XKR4: variants seen among roughly 807,000 people sequenced by gnomAD.
XKR4 encodes XK-related protein 4.
In XKR4, 12 loss-of-function variants were observed where a neutral mutation model predicts 53.9. That is an observed-to-expected ratio of 0.22 (90% CI 0.14 to 0.36). The LOEUF is 0.36. XKR4 is among the 10% of genes least tolerant of loss of function. The pLI is 1.00. For missense variants in XKR4, 799 were observed against 859.5 expected (o/e 0.93, Z 0.88); for synonymous variants, 354 against 362.4 (o/e 0.98, Z 0.26).
chr8:55,109,014 G>A (rs1215503165), intron 1 of XKR4, among the ~76,000 whole-genome samples: 1 of 152,164 alleles, frequency 6.6e-6, no homozygotes, highest in African/African-American at 2.4e-5. Context: ...TCCATAGTAA[G>A]TGCTGAACTG....
intron 1 of XKR4, among the ~76,000 whole-genome samples, chr8:55,195,089 A>G (rs904612539): frequency 6.6e-6 from 1 of 152,238 alleles, no homozygotes; most frequent in South Asian, 2.1e-4. Context: ...AAAAATAAAA[A>G]GGGAGGGAAG....
intron 1 of XKR4, among the ~76,000 whole-genome samples, chr8:55,192,215 T>TGTC: frequency 7.0e-6 from 1 of 143,590 alleles, no homozygotes. Flanking sequence ...AGGGACTTAA[T>TGTC]ACAATTCTTA....
rs182519982 is a variant in XKR4, at chr8:55,482,355, A to G, written c.1007-40926A>G. On this transcript the variant is annotated intron_variant, in intron 2 of 2. Transcript: ENST00000327381. Reference sequence around the variant, plus strand: ...GGTGGGAATTAAACAATGAGAACACATGGACACAGGAAGGGGAACATCACA... The same window carrying G: ...GGTGGGAATTAAACAATGAGAACACGTGGACACAGGAAGGGGAACATCACA... Among the ~76,000 whole-genome samples, 1,509 of 152,188 alleles carry G rather than the reference A, an allele frequency of 9.9e-3. 15 individuals are homozygous for G. Among genetic ancestry groups the G allele is most frequent in the Non-Finnish European group, 0.017 (1,146 of 68,018 alleles).
chr8:55,312,714 G>A (rs1002943002), intron 1 of XKR4, among the ~76,000 whole-genome samples: 1 of 152,140 alleles, frequency 6.6e-6, no homozygotes. Flanking sequence ...TGAATTTTAT[G>A]AGCATCTATT....
intron 2 of XKR4, among the ~76,000 whole-genome samples, chr8:55,443,530 T>TAAAAAAAAAAAAAAAAAAAAAA (rs751152509): frequency 1.4e-5 from 1 of 74,030 alleles, no homozygotes; most frequent in Non-Finnish European, 2.3e-5. Context: ...TCAGTTACAT[T>TAAAAAAAAAAAAAAAAAAAAAA]AAAAAAAAAA....
chr8:55,403,250 A>G (rs1193389223), intron 2 of XKR4, among the ~76,000 whole-genome samples: 1 of 152,230 alleles, frequency 6.6e-6, no homozygotes, highest in African/African-American at 2.4e-5. Flanking sequence ...TTTAAATCAC[A>G]GTTTTCATTA....
intron 1 of XKR4, among the ~76,000 whole-genome samples, chr8:55,168,720 T>C (rs1244203369): frequency 4.6e-5 from 7 of 152,234 alleles, no homozygotes; most frequent in Non-Finnish European, 1.0e-4. Flanking sequence ...CTTATACTTT[T>C]AGAGATGTTT....
At chr8:55,433,288 G>A (rs1407275092) in intron 2 of XKR4, among the ~76,000 whole-genome samples, 3 of 152,204 alleles carry the variant, frequency 2.0e-5, no homozygotes, top group Non-Finnish European at 2.9e-5. Flanking sequence ...AGGAGAGAAT[G>A]TGTTTTCATT....
chr8:55,271,586 G>A (rs1818691762), intron 1 of XKR4, among the ~76,000 whole-genome samples: 1 of 152,258 alleles, frequency 6.6e-6, no homozygotes, highest in South Asian at 2.1e-4. Context: ...ATCACAGGCA[G>A]AGGGCTGGAA....
chr8:55,378,548 C>T (rs979935108), intron 2 of XKR4, among the ~76,000 whole-genome samples: 1 of 152,022 alleles, frequency 6.6e-6, no homozygotes, highest in Non-Finnish European at 1.5e-5. Flanking sequence ...AAAGTGGTTG[C>T]CTGTGGGAAT....
At chr8:55,472,574 C>T (rs889782357) in intron 2 of XKR4, among the ~76,000 whole-genome samples, 5 of 152,026 alleles carry the variant, frequency 3.3e-5, no homozygotes, top group Admixed American at 2.6e-4. Flanking sequence ...GAGGAACCAG[C>T]AACAAGGGGG....
At chr8:55,150,177 C>T (rs1218481206) in intron 1 of XKR4, among the ~76,000 whole-genome samples, 1 of 152,212 alleles carries the variant, frequency 6.6e-6, no homozygotes, top group Non-Finnish European at 1.5e-5. Context: ...TGTTGATCTA[C>T]ATAACTAGGT....
At chr8:55,466,201 G>A (rs766746171) in intron 2 of XKR4, among the ~76,000 whole-genome samples, 34 of 152,124 alleles carry the variant, frequency 2.2e-4, no homozygotes, top group Non-Finnish European at 3.2e-4. Flanking sequence ...TGTTTATTGC[G>A]GCACTATTCA....
intron 1 of XKR4, among the ~76,000 whole-genome samples, chr8:55,302,480 C>A (rs1819216798): frequency 6.6e-6 from 1 of 152,152 alleles, no homozygotes. Flanking sequence ...ACAATGTGGG[C>A]TCTTTTTTGA....
intron 2 of XKR4, among the ~76,000 whole-genome samples, chr8:55,519,396 A>G (rs1427909583): frequency 6.6e-6 from 1 of 152,204 alleles, no homozygotes; most frequent in Non-Finnish European, 1.5e-5. Flanking sequence ...GAAAAAATAC[A>G]TTGTTCAATG....
At chr8:55,449,693 A>G in intron 2 of XKR4, 1 of 884,858 alleles carries the variant, frequency 1.1e-6, no homozygotes, top group Non-Finnish European at 1.9e-6. Context: ...CACCTCCACC[A>G]GGTCGATGAC....
At chr8:55,155,377 C>A (rs966128169) in intron 1 of XKR4, among the ~76,000 whole-genome samples, 1 of 151,620 alleles carries the variant, frequency 6.6e-6, no homozygotes, top group African/African-American at 2.4e-5. Flanking sequence ...CAGACCAGAA[C>A]AAATTAAAAA....
At chr8:55,521,928 C>A (rs1443115118) in intron 2 of XKR4, among the ~76,000 whole-genome samples, 2 of 152,056 alleles carry the variant, frequency 1.3e-5, no homozygotes, top group Admixed American at 6.5e-5. Context: ...TTTAATGGGG[C>A]CTGGTTATGA....
intron 2 of XKR4, among the ~76,000 whole-genome samples, chr8:55,436,934 C>A (rs1805186037): frequency 6.6e-6 from 1 of 152,168 alleles, no homozygotes; most frequent in African/African-American, 2.4e-5. Context: ...ATATGCACAG[C>A]ATGTTTTGTT....
Sources: gnomAD v4.1 joint callset for allele counts (sites outside exome capture counted in the v4.1 genomes callset) on GRCh38, gnomAD v4.1.1 for gene constraint, MANE v1.5 for transcripts, NCBI Gene and HGNC (gene_info 2026-07-23, HGNC 2026-07-21) for gene names.